The following IQSEC1 variants were observed in gnomAD, a reference collection of about 807,000 sequenced individuals.
IQSEC1 encodes IQ motif and SEC7 domain-containing protein 1.
Under a neutral mutation model 91.0 loss-of-function variants are expected in IQSEC1, and 31 were observed. The observed-to-expected ratio is 0.34, with a 90% CI of 0.26 to 0.46. IQSEC1 has a LOEUF of 0.46. Ranked by LOEUF, IQSEC1 falls within the 20% of genes least tolerant of loss-of-function variation. The pLI, the probability that IQSEC1 is intolerant of heterozygous loss-of-function variation, is 1.00. For synonymous variants in IQSEC1, 699 were observed against 662.6 expected, an observed-to-expected ratio of 1.05 and a Z score of -0.84; for missense variants, 1,388 against 1,575.6, an observed-to-expected ratio of 0.88 and a Z score of 2.02.
intron 1 of IQSEC1, among the ~76,000 whole-genome samples, chr3:13,206,992 C>T (rs1407732905): frequency 6.6e-6 from 1 of 152,060 alleles, no homozygotes; most frequent in African/African-American, 2.4e-5. Flanking sequence ...CGGCACCTCC[C>T]GCCTCCTGGT....
intron 1 of IQSEC1, among the ~76,000 whole-genome samples, chr3:13,264,707 C>T (rs563237729): frequency 5.3e-5 from 8 of 151,852 alleles, no homozygotes; most frequent in Non-Finnish European, 8.8e-5. Flanking sequence ...ATTCAACAAG[C>T]GGGAGGAGGA....
intron 1 of IQSEC1, among the ~76,000 whole-genome samples, chr3:12,948,806 C>T (rs1253602158): frequency 3.3e-5 from 5 of 152,152 alleles, no homozygotes; most frequent in African/African-American, 4.8e-5. Flanking sequence ...CCTGCAGGCA[C>T]GGAAAGGTGG....
intron 1 of IQSEC1, among the ~76,000 whole-genome samples, chr3:13,280,461 G>T (rs1362073631): frequency 6.6e-6 from 1 of 152,216 alleles, no homozygotes. Context: ...CAGGCCATGT[G>T]ATGCCCCCGT....
chr3:12,993,090 C>T (rs920581334), intron 1 of IQSEC1, among the ~76,000 whole-genome samples: 14 of 152,168 alleles, frequency 9.2e-5, no homozygotes, highest in Non-Finnish European at 1.8e-4. Context: ...ACACCTCATC[C>T]CCCTGCTGCC....
intron 1 of IQSEC1, among the ~76,000 whole-genome samples, chr3:13,275,499 C>T (rs986201101): frequency 1.3e-5 from 2 of 152,186 alleles, no homozygotes; most frequent in Admixed American, 6.5e-5. Context: ...ATGACAGCAC[C>T]GCCCAGCCCC....
chr3:13,213,595 G>C (rs1694485384), intron 1 of IQSEC1, among the ~76,000 whole-genome samples: 1 of 152,092 alleles, frequency 6.6e-6, no homozygotes, highest in African/African-American at 2.4e-5. Flanking sequence ...TCAACTTTAT[G>C]TCCTTCACTT....
chr3:12,922,133 T>A lies in IQSEC1; in HGVS notation c.1840A>T (p.Ile614Leu). The change falls in exon 5 of 14, where the codon ATA (isoleucine) becomes TTA (leucine). Residue 614 changes from isoleucine to leucine, a missense_variant. By Grantham distance (5) the Ile-to-Leu change is conservative. This residue lies in a region of IQSEC1 where 1,059 missense variants were observed against 1,317.8 expected (regional missense o/e 0.80). Transcript: ENST00000613206. This position sits in a 1 kb window ranked among gnomAD's most constrained non-coding sequence, Gnocchi z 5.1. ...CCCGGGCCCCACCTGAACGCCTCTA[T>A]GAGCCGCTCCACTTTCTGAGCCTCC... ...QGEAQKVERL[I>L]EAFSQRYCIC... 1.9e-6 allele frequency: 3 copies of A among 1,607,432 alleles called. No homozygotes were observed. The South Asian group carries it at 3.3e-5, about 18-fold the overall frequency.
chr3:13,073,174 GCT>G lies in IQSEC1; in HGVS notation c.-162_-161del. 12 of 781,010 alleles carry G rather than the reference GCT, an allele frequency of 1.5e-5. No homozygotes were observed. Among genetic ancestry groups the G allele is most frequent in the Non-Finnish European group, 2.3e-5 (11 of 484,102 alleles). 48.4% of individuals were successfully genotyped at this position (781,010 alleles called of 1,614,324 possible). A position where few individuals can be genotyped will look rare whatever the true frequency, so the allele number is the denominator to read the frequency against. ...GGGGGTGGCGGGCTCCTCCAGGGAGGCTGGGGCGGGAGCGGGGGGCGGCGCCA... is the reference window on the plus strand; with the variant it reads ...GGGGGTGGCGGGCTCCTCCAGGGAGGGGGGCGGGAGCGGGGGGCGGCGCCA... On this transcript the variant is annotated 5_prime_UTR_variant, in exon 1 of 14. Transcript: ENST00000613206.
At position 13,073,007 on chromosome 3, in the gene IQSEC1, C is replaced by T. The variant is rs1166500992; in HGVS notation, c.8G>A (p.Cys3Tyr). The change falls in exon 1 of 14, where the codon TGC (cysteine) becomes TAC (tyrosine). Residue 3 changes from cysteine to tyrosine, a missense_variant. By Grantham distance (194) the Cys-to-Tyr change is radical (BLOSUM62 -2). Around this residue, in one of 2 missense-constraint regions of IQSEC1, gnomAD observed 1,059 missense variants for 1,317.8 expected, o/e 0.80. Transcript: ENST00000613206. MA[C>Y]RRRYFVEGEA... is the part of the protein sequence containing the mutation. ...ATATACTCACAAATAGCGTCTTCTG[C>T]AAGCCATCCTGTGTGAATCCGTTCT... is the stretch of plus-strand genomic sequence containing the variant. 1.9e-6 allele frequency: 3 copies of T among 1,551,758 alleles called. No individual in the cohort carries two copies. Among genetic ancestry groups the T allele is most frequent in the Admixed American group, 3.9e-5 (2 of 51,018 alleles).
At chr3:13,267,051 A>C (rs1454766533) in intron 1 of IQSEC1, among the ~76,000 whole-genome samples, 1 of 151,322 alleles carries the variant, frequency 6.6e-6, no homozygotes, top group East Asian at 2.0e-4. Context: ...TCATGTGTTG[A>C]ACTCCTCATC....
intron 1 of IQSEC1, among the ~76,000 whole-genome samples, chr3:13,065,761 G>A (rs1705209773): frequency 6.6e-6 from 1 of 152,122 alleles, no homozygotes; most frequent in East Asian, 1.9e-4. Context: ...ATGGAACCAG[G>A]GACTCGGAGA....
At chr3:13,060,603 G>A (rs898063089) in intron 1 of IQSEC1, among the ~76,000 whole-genome samples, 3 of 152,262 alleles carry the variant, frequency 2.0e-5, no homozygotes, top group Non-Finnish European at 4.4e-5. Context: ...ACCTGCCCAA[G>A]GCTGGATGAC....
chr3:13,044,607 G>A (rs1474667859), intron 1 of IQSEC1, among the ~76,000 whole-genome samples: 2 of 152,216 alleles, frequency 1.3e-5, no homozygotes, highest in African/African-American at 2.4e-5. Context: ...GGGGAGAGGC[G>A]ATCTGCCGAG....
intron 1 of IQSEC1, among the ~76,000 whole-genome samples, chr3:13,215,049 G>A (rs1179869011): frequency 6.6e-6 from 1 of 152,098 alleles, no homozygotes; most frequent in Non-Finnish European, 1.5e-5. Flanking sequence ...AGGCTGCAGA[G>A]GCGAGAGGCA....
At chr3:13,182,145 C>T (rs999073834) in intron 1 of IQSEC1, among the ~76,000 whole-genome samples, 1 of 152,186 alleles carries the variant, frequency 6.6e-6, no homozygotes. Context: ...CATTGGAATC[C>T]CCTCTAGTTC....
At chr3:13,239,997 C>A (rs780640628) in intron 1 of IQSEC1, among the ~76,000 whole-genome samples, 1 of 151,984 alleles carries the variant, frequency 6.6e-6, no homozygotes, top group Non-Finnish European at 1.5e-5. Context: ...CCACTTTGCG[C>A]GCACTGGAAA....
Position 12,899,354 on chromosome 3 carries a change from G to A in IQSEC1, c.*1629C>T. The A allele has an allele frequency of 6.2e-7, 1 of 1,609,060 alleles. No individual in the cohort carries two copies. Among genetic ancestry groups the A allele is most frequent in the Non-Finnish European group, 8.5e-7 (1 of 1,177,966 alleles). On this transcript the variant is annotated 3_prime_UTR_variant, in exon 14 of 14. Transcript: ENST00000613206. ...CCCTTTCTGAAAGGGCCTCCGCCTG[G>A]GCAGGCGCCGGGGGGCAGTCCTCGG... is the stretch of plus-strand genomic sequence containing the variant.
rs558395773 is a variant in IQSEC1, at chr3:13,051,424, A to G, written c.23+21568T>C. The stretch of plus-strand genomic sequence containing the variant: ...GAAAAAGTGCTGCTCTGTGCTGCAC[A>G]AAGTCAGGAGAGCAGCCCCAGGGAA... On this transcript the variant is annotated intron_variant, in intron 1 of 13. Coordinates refer to ENST00000613206, the MANE Select transcript of IQSEC1 (RefSeq NM_001134382.3). 9.2e-5 allele frequency among the ~76,000 whole-genome samples: 14 copies of G among 152,324 alleles called. No homozygotes were observed. In the South Asian group the frequency reaches 2.9e-3, roughly 32 times the overall value.
intron 12 of IQSEC1, among the ~76,000 whole-genome samples, chr3:12,907,441 GGCCACTGCAGCCCCA>G (rs1399534470): frequency 2.0e-5 from 3 of 152,194 alleles, no homozygotes; most frequent in African/African-American, 7.2e-5. Flanking sequence ...GGACAAGCTG[GGCCACTGCAGCCCCA>G]GGCAGTCCCC....
Sources: allele counts gnomAD v4.1 joint callset (sites outside exome capture counted in the v4.1 genomes callset), GRCh38; gene constraint gnomAD v4.1.1; regional missense constraint gnomAD v4.1.1; non-coding constraint Gnocchi (gnomAD v3.1); transcripts MANE v1.5; gene names NCBI Gene and HGNC (gene_info 2026-07-23, HGNC 2026-07-21).